Variants in SLC35F1 observed in about 807,000 individuals in gnomAD.
The protein encoded by SLC35F1 is chromosome 6 open reading frame 169.
Under a neutral mutation model 48.7 loss-of-function variants are expected in SLC35F1, and 14 were observed. The observed-to-expected ratio is 0.29, with a 90% CI of 0.19 to 0.45. SLC35F1 has a LOEUF of 0.45. Ranked by LOEUF, SLC35F1 falls within the 20% of genes least tolerant of loss-of-function variation. The probability of loss-of-function intolerance (pLI) is 1.00; values close to 1 mark genes in which losing one functional copy is unlikely to be tolerated. For missense variants in SLC35F1, 404 were observed against 500.0 expected (o/e 0.81, Z 1.83); for synonymous variants, 190 against 202.2 (o/e 0.94, Z 0.51).
At chr6:118,286,861 A>G (rs916725826) in intron 7 of SLC35F1, among the ~76,000 whole-genome samples, 1 of 151,810 alleles carries the variant, frequency 6.6e-6, no homozygotes, top group African/African-American at 2.4e-5. Context: ...AATTTCAAGT[A>G]CAGGTTACCA....
At chr6:118,055,540 G>A (rs1772451491) in intron 1 of SLC35F1, among the ~76,000 whole-genome samples, 1 of 152,188 alleles carries the variant, frequency 6.6e-6, no homozygotes, top group Non-Finnish European at 1.5e-5. Flanking sequence ...AGCAATCACA[G>A]CATAAGTCAA....
intron 1 of SLC35F1, among the ~76,000 whole-genome samples, chr6:117,981,616 A>G (rs1461292202): frequency 3.3e-5 from 5 of 152,150 alleles, no homozygotes; most frequent in African/African-American, 7.2e-5. Context: ...GGGCTTCTGC[A>G]TGTTTATAGG....
chr6:118,269,772 C>T (rs1401507899), intron 4 of SLC35F1, among the ~76,000 whole-genome samples: 1 of 152,046 alleles, frequency 6.6e-6, no homozygotes, highest in African/African-American at 2.4e-5. Flanking sequence ...AGGCCAGGCA[C>T]ATTCAGAAAT....
chr6:118,036,309 T>G (rs1362412420), intron 1 of SLC35F1, among the ~76,000 whole-genome samples: 1 of 152,216 alleles, frequency 6.6e-6, no homozygotes, highest in African/African-American at 2.4e-5. Flanking sequence ...GGTTTAATTT[T>G]CAGATATTTG....
Position 117,948,162 on chromosome 6 carries a change from G to A in SLC35F1, c.173+40263G>A, listed in dbSNP as rs140948057. On this transcript the variant is annotated intron_variant, in intron 1 of 7. Transcript: ENST00000360388. The stretch of plus-strand genomic sequence containing the variant: ...CCCAGGAAAATGTTCATAAATGACA[G>A]GGCTTTAACCAAGACAAATCTTAAC... Among the ~76,000 whole-genome samples the A allele has an allele frequency of 3.9e-5, 6 of 152,290 alleles. No homozygotes were observed. The East Asian group carries it at 1.2e-3, about 29-fold the overall frequency.
At chr6:117,980,320 A>C (rs1638423649) in intron 1 of SLC35F1, among the ~76,000 whole-genome samples, 1 of 152,200 alleles carries the variant, frequency 6.6e-6, no homozygotes, top group Non-Finnish European at 1.5e-5. Context: ...GGCAGGAGGT[A>C]CAAGCACCCT....
intron 1 of SLC35F1, among the ~76,000 whole-genome samples, chr6:117,991,433 A>T (rs547476771): frequency 5.9e-5 from 9 of 152,210 alleles, no homozygotes; most frequent in Non-Finnish European, 1.3e-4. Context: ...ATATAGATGA[A>T]AATAAATTTT....
chr6:118,287,873 C>T (rs920632489), intron 7 of SLC35F1, among the ~76,000 whole-genome samples: 1 of 152,164 alleles, frequency 6.6e-6, no homozygotes. Flanking sequence ...GGATAAGTAA[C>T]TTCGCTGAAG....
At chr6:118,212,155 G>A (rs542064009) in intron 2 of SLC35F1, among the ~76,000 whole-genome samples, 7 of 152,134 alleles carry the variant, frequency 4.6e-5, no homozygotes, top group Middle Eastern at 3.4e-3. Flanking sequence ...TTCTTTTCTC[G>A]CATGTCTTTG....
chr6:117,981,301 G>A (rs969625096), intron 1 of SLC35F1, among the ~76,000 whole-genome samples: 5 of 152,184 alleles, frequency 3.3e-5, no homozygotes, highest in Admixed American at 3.3e-4. Context: ...TGTTGGAGAT[G>A]TGATCATTAC....
chr6:118,048,026 G>A (rs1240244974), intron 1 of SLC35F1, among the ~76,000 whole-genome samples: 1 of 152,108 alleles, frequency 6.6e-6, no homozygotes, highest in African/African-American at 2.4e-5. Context: ...GTTTGTCATA[G>A]ATAGCTCTCA....
At chr6:117,989,017 C>T (rs911889025) in intron 1 of SLC35F1, among the ~76,000 whole-genome samples, 4 of 152,168 alleles carry the variant, frequency 2.6e-5, no homozygotes, top group South Asian at 4.1e-4. Flanking sequence ...TTGTTATTAT[C>T]TCCATAAAAA....
intron 4 of SLC35F1, 78 bp downstream of exon 4, chr6:118,267,232 G>A (rs112377307): frequency 5.2e-6 from 8 of 1,536,166 alleles, no homozygotes; most frequent in Non-Finnish European, 7.1e-6. Context: ...TCATAGTTGG[G>A]TGAAAACAAG....
rs1300090443 is a variant in SLC35F1, at chr6:118,031,449, A to C, written c.174-122996A>C. On this transcript the variant is annotated intron_variant, in intron 1 of 7. Coordinates refer to ENST00000360388, the MANE Select transcript of SLC35F1 (RefSeq NM_001029858.4). The stretch of plus-strand genomic sequence containing the variant: ...ATGGACCTGCTGGAAGTTCTACTGC[A>C]GTGAAGGATTTTTGTGGCAGCTGGT... Among the ~76,000 whole-genome samples, 3 of 152,180 alleles carry C rather than the reference A, an allele frequency of 2.0e-5. No individual in the cohort carries two copies. In the South Asian group the frequency reaches 6.2e-4, roughly 32 times the overall value.
At chr6:118,094,749 C>T (rs1773124468) in intron 1 of SLC35F1, among the ~76,000 whole-genome samples, 2 of 152,064 alleles carry the variant, frequency 1.3e-5, no homozygotes, top group South Asian at 4.2e-4. Context: ...GAGCAGATCA[C>T]TTGAGATCAG....
At chr6:117,918,532 A>G (rs544082423) in intron 1 of SLC35F1, among the ~76,000 whole-genome samples, 1 of 152,320 alleles carries the variant, frequency 6.6e-6, no homozygotes, top group South Asian at 2.1e-4. Flanking sequence ...CAAGGATATC[A>G]ATAGTGAACA....
At chr6:117,942,060 A>G (rs1241803713) in intron 1 of SLC35F1, among the ~76,000 whole-genome samples, 2 of 152,216 alleles carry the variant, frequency 1.3e-5, no homozygotes, top group African/African-American at 4.8e-5. Context: ...GGTCAATGAC[A>G]TGTATTTTAT....
chr6:117,958,459 C>G (rs562668838), intron 1 of SLC35F1, among the ~76,000 whole-genome samples: 1 of 152,314 alleles, frequency 6.6e-6, no homozygotes, highest in South Asian at 2.1e-4. Flanking sequence ...CCCAGAGAAA[C>G]TTCAGTCCTC....
intron 6 of SLC35F1, 22 bp from the exon 7 acceptor site, chr6:118,285,162 C>G (rs1274119042): frequency 5.6e-6 from 9 of 1,609,194 alleles, no homozygotes; most frequent in Non-Finnish European, 6.8e-6. Context: ...CTGACGCTGC[C>G]TTCTCTTTAC....
Sources: gnomAD v4.1 joint callset for allele counts (sites outside exome capture counted in the v4.1 genomes callset) on GRCh38, gnomAD v4.1.1 for gene constraint, MANE v1.5 for transcripts, NCBI Gene and HGNC (gene_info 2026-07-23, HGNC 2026-07-21) for gene names.